GFRA2: variants seen among roughly 807,000 people sequenced by gnomAD.
GFRA2 encodes GDNF family receptor alpha-2.
A neutral mutation model predicts 48.3 loss-of-function variants in GFRA2; 17 were observed. The observed-to-expected ratio is 0.35, with a 90% confidence interval of 0.24 to 0.53. The LOEUF (loss-of-function observed/expected upper bound fraction) is 0.53. GFRA2 is among the 20% of genes least tolerant of loss of function. The pLI is 0.93. For missense variants in GFRA2, 660 were observed against 637.3 expected, an observed-to-expected ratio of 1.04 and a Z score of -0.38; for synonymous variants, 305 against 257.2, an observed-to-expected ratio of 1.19 and a Z score of -1.78.
chr8:21,699,588 G>A (rs976545453), intron 7 of GFRA2, among the ~76,000 whole-genome samples: 1 of 152,128 alleles, frequency 6.6e-6, no homozygotes, highest in African/African-American at 2.4e-5. Context: ...ACCATCGCCC[G>A]TCTCCCTGCA....
intron 3 of GFRA2, among the ~76,000 whole-genome samples, chr8:21,764,208 C>T (rs1375903823): frequency 6.6e-6 from 1 of 152,144 alleles, no homozygotes; most frequent in Non-Finnish European, 1.5e-5. Flanking sequence ...CTGCAAAGTC[C>T]AACATCGAGG....
Position 21,774,986 on chromosome 8 carries a change from G to A in GFRA2, c.425C>T (p.Ala142Val). ...TSRLSDIFRL[A>V]SIFSGTGADP... ...AGCTCACTTACCTGAGAAGATTGAA[G>A]CAAGCCTGAAGATGTCCGAGAGGCG... The change falls in exon 3 of 9, where the codon GCT becomes GTT. Residue 142 changes from alanine (A) to valine (V), a missense_variant. Coordinates refer to ENST00000524240, the MANE Select transcript of GFRA2 (RefSeq NM_001495.5). 6.3e-7 allele frequency: 1 copy of A among 1,594,562 alleles called. No homozygotes were observed. Among genetic ancestry groups the A allele is most frequent in the Non-Finnish European group, 8.6e-7 (1 of 1,162,468 alleles).
chr8:21,790,568 G>A (rs1055838440), upstream of GFRA2, among the ~76,000 whole-genome samples: 1 of 152,222 alleles, frequency 6.6e-6, no homozygotes, highest in Admixed American at 6.5e-5. Context: ...GAAGCACAGA[G>A]AGCGAGTCTC....
chr8:21,788,396 A>G lies in GFRA2; in HGVS notation c.-237T>C, dbSNP rs1295139312. On this transcript the variant is annotated 5_prime_UTR_variant, in exon 1 of 9. Transcript: ENST00000524240. ...CCTCTCGACGCCCCCCTTGCCCGCT[A>G]CAATCAAATATACGCGTATCTGTGT... 7.5e-7 allele frequency: 1 copy of G among 1,333,614 alleles called. No homozygotes were observed. Among genetic ancestry groups the G allele is most frequent in the Non-Finnish European group, 9.6e-7 (1 of 1,046,792 alleles). The allele number at this position is 1,333,614 out of a possible 1,614,324, so 82.6% of individuals were successfully genotyped here. A position where few individuals can be genotyped will look rare whatever the true frequency, so the allele number is the denominator to read the frequency against.
At chr8:21,715,592 C>T (rs1035535168) in intron 4 of GFRA2, among the ~76,000 whole-genome samples, 1 of 152,178 alleles carries the variant, frequency 6.6e-6, no homozygotes, top group African/African-American at 2.4e-5. Flanking sequence ...CTATTAAAGG[C>T]TGTATGCCAC....
intron 3 of GFRA2, among the ~76,000 whole-genome samples, chr8:21,764,011 CA>C: frequency 7.0e-6 from 1 of 143,610 alleles, no homozygotes; most frequent in Non-Finnish European, 1.5e-5. Context: ...ACACACACAC[CA>C]GCTGACTGGT....
At chr8:21,790,964 C>G (rs1444063984), upstream of GFRA2, among the ~76,000 whole-genome samples, 1 of 152,124 alleles carries the variant, frequency 6.6e-6, no homozygotes, top group Non-Finnish European at 1.5e-5. Context: ...AATGTCCCCC[C>G]TCTCATCTCC....
At chr8:21,746,173 C>T (rs2099442600) in intron 4 of GFRA2, among the ~76,000 whole-genome samples, 1 of 152,144 alleles carries the variant, frequency 6.6e-6, no homozygotes, top group Non-Finnish European at 1.5e-5. Context: ...GGTCCCCTGA[C>T]TCTGGGGCAC....
Position 21,690,662 on chromosome 8 carries a change from G to A in GFRA2, c.*2616C>T, listed in dbSNP as rs1444118759. 6.6e-6 allele frequency: 1 copy of A among 152,142 alleles called. No individual in the cohort carries two copies. The highest frequency in any genetic ancestry group is 2.4e-5 in the African/African-American group (1 of 41,418). The allele number at this position is 152,142 out of a possible 1,614,324, so 9.4% of individuals were successfully genotyped here. A position where few individuals can be genotyped will look rare whatever the true frequency, so the allele number is the denominator to read the frequency against. On this transcript the variant is annotated 3_prime_UTR_variant, in exon 9 of 9. Transcript: ENST00000524240. Reference sequence around the variant, plus strand: ...GGCTTACCTCCTATTAGGGATACCAGACATGACATATATATCCTCTCTCTC... The same window carrying A: ...GGCTTACCTCCTATTAGGGATACCAAACATGACATATATATCCTCTCTCTC...
intron 7 of GFRA2, among the ~76,000 whole-genome samples, chr8:21,697,013 G>A (rs1802217842): frequency 7.4e-6 from 1 of 134,484 alleles, no homozygotes; most frequent in African/African-American, 2.8e-5. Context: ...GGGGACAGAG[G>A]GAGAGATGAA....
chr8:21,767,988 A>G (rs1367141591), intron 3 of GFRA2, among the ~76,000 whole-genome samples: 1 of 152,222 alleles, frequency 6.6e-6, no homozygotes, highest in African/African-American at 2.4e-5. Context: ...AGATGAAAAC[A>G]GAAGAGGGAA....
At chr8:21,762,870 T>C (rs1349204505) in intron 3 of GFRA2, among the ~76,000 whole-genome samples, 1 of 152,210 alleles carries the variant, frequency 6.6e-6, no homozygotes, top group African/African-American at 2.4e-5. Context: ...ATTCCCACAA[T>C]GATGAGTTGG....
chr8:21,697,763 G>A (rs1225720329), intron 7 of GFRA2, among the ~76,000 whole-genome samples: 4 of 152,194 alleles, frequency 2.6e-5, no homozygotes, highest in African/African-American at 4.8e-5. Flanking sequence ...AATCATGGGC[G>A]TGGGTCTCTT....
chr8:21,796,200 C>G (rs1490456456), intron 2 of GFRA2, among the ~76,000 whole-genome samples: 5 of 152,336 alleles, frequency 3.3e-5, no homozygotes, highest in African/African-American at 1.2e-4. Context: ...TACACCCCAG[C>G]CTTGTCCTGA....
At chr8:21,753,290 C>CT (rs1805387435) in intron 3 of GFRA2, among the ~76,000 whole-genome samples, 2 of 152,126 alleles carry the variant, frequency 1.3e-5, no homozygotes, top group African/African-American at 4.8e-5. Flanking sequence ...AAACACACAC[C>CT]AGATTTTGAA....
At chr8:21,757,370 C>T (rs564062420) in intron 3 of GFRA2, among the ~76,000 whole-genome samples, 1 of 152,318 alleles carries the variant, frequency 6.6e-6, no homozygotes, top group South Asian at 2.1e-4. Context: ...TCTTTAAACT[C>T]ATATTCTTTA....
intron 3 of GFRA2, among the ~76,000 whole-genome samples, chr8:21,754,797 C>G (rs181622952): frequency 2.6e-5 from 4 of 152,194 alleles, no homozygotes; most frequent in African/African-American, 9.6e-5. Context: ...GCATGAGTCA[C>G]TGTGCCTGGC....
At chr8:21,759,268 C>T (rs28606012) in intron 3 of GFRA2, among the ~76,000 whole-genome samples, 14,118 of 151,794 alleles carry the variant, frequency 0.093, 836 homozygotes, top group Admixed American at 0.16. Flanking sequence ...CACCTGTAAT[C>T]CCAGCTACTA....
At chr8:21,722,046 C>T (rs1803624979) in intron 4 of GFRA2, among the ~76,000 whole-genome samples, 1 of 152,182 alleles carries the variant, frequency 6.6e-6, no homozygotes, top group Non-Finnish European at 1.5e-5. Context: ...AGCAATTTAT[C>T]AAGGCAATGT....
Sources: allele counts gnomAD v4.1 joint callset (sites outside exome capture counted in the v4.1 genomes callset), GRCh38; gene constraint gnomAD v4.1.1; transcripts MANE v1.5; gene names NCBI Gene and HGNC (gene_info 2026-07-23, HGNC 2026-07-21).